Variants in PHF19 observed in about 807,000 individuals in gnomAD.
The protein encoded by PHF19 is polycomb like 3.
Under a neutral mutation model 79.8 loss-of-function variants are expected in PHF19, and 21 were observed. That is an observed-to-expected ratio of 0.26 (90% CI 0.19 to 0.38). The LOEUF is 0.38. Ranked by LOEUF, PHF19 falls within the 10% of genes least tolerant of loss-of-function variation. PHF19 has a pLI of 1.00. For synonymous variants in PHF19, 273 were observed against 296.3 expected, an observed-to-expected ratio of 0.92 and a Z score of 0.81; for missense variants, 445 against 744.2, an observed-to-expected ratio of 0.60 and a Z score of 4.68.
intron 3 of PHF19, among the ~76,000 whole-genome samples, chr9:120,872,689 C>CTT (rs199811441): frequency 5.7e-5 from 8 of 141,166 alleles, no homozygotes; most frequent in South Asian, 2.3e-4. Context: ...TTTTTCTTTT[C>CTT]TTTTTTTTTT....
Position 120,874,080 on chromosome 9 carries a change from G to C in PHF19, c.187-20C>G, listed in dbSNP as rs775525318. The C allele has an allele frequency of 3.5e-6, 5 of 1,432,568 alleles. No individual in the cohort carries two copies. The East Asian group carries it at 1.1e-4, about 33-fold the overall frequency. The allele number at this position is 1,432,568 out of a possible 1,614,324, so 88.7% of individuals were successfully genotyped here. On this transcript the variant is annotated intron_variant, in intron 2 of 14. Transcript: ENST00000373896. This position sits in a 1 kb window ranked among gnomAD's most constrained non-coding sequence, Gnocchi z 4.5. ...GCTGACCTGGGGTACAGATAGGAAGGAGCAAGTGAGAAAGGGCTGGGGAAA... is the reference window on the plus strand; with the variant it reads ...GCTGACCTGGGGTACAGATAGGAAGCAGCAAGTGAGAAAGGGCTGGGGAAA...
intron 1 of PHF19, among the ~76,000 whole-genome samples, chr9:120,883,847 G>A (rs1247656188): frequency 6.6e-6 from 1 of 151,982 alleles, no homozygotes; most frequent in Admixed American, 6.5e-5. Context: ...AGATAATTGT[G>A]GGAGGGTGTC....
chr9:120,861,036 G>T, intron 13 of PHF19, 53 bp downstream of exon 13: 1 of 1,026,126 alleles, frequency 9.7e-7, no homozygotes, highest in South Asian at 1.3e-5. Flanking sequence ...CTTTCTGCTT[G>T]GTTCCCTCCC....
At chr9:120,901,014 T>C in the PHF19 span, among the ~76,000 whole-genome samples, 2 of 152,244 alleles carry the variant, frequency 1.3e-5, no homozygotes, top group Non-Finnish European at 2.9e-5. Context: ...TGTATGGCAC[T>C]GACTGCTTGC....
At chr9:120,872,975 C>T (rs1371182548) in intron 3 of PHF19, among the ~76,000 whole-genome samples, 1 of 152,164 alleles carries the variant, frequency 6.6e-6, no homozygotes, top group African/African-American at 2.4e-5. Context: ...CTGAGCTAAG[C>T]ATTTTACATG....
At chr9:120,876,624 T>G (rs1217344564) in intron 1 of PHF19, among the ~76,000 whole-genome samples, 1 of 151,952 alleles carries the variant, frequency 6.6e-6, no homozygotes, top group Non-Finnish European at 1.5e-5. Context: ...GGATGATTCA[T>G]GCGCCGGGGC....
At chr9:120,876,956 G>A in intron 1 of PHF19, 135 bp downstream of exon 1, 1 of 956,510 alleles carries the variant, frequency 1.0e-6, no homozygotes, top group Non-Finnish European at 1.2e-6. Context: ...CCACCCCCGA[G>A]AGCCCCGCTC....
At chr9:120,879,922 C>T (rs769910700), upstream of PHF19, among the ~76,000 whole-genome samples, 36 of 151,350 alleles carry the variant, frequency 2.4e-4, no homozygotes, top group Middle Eastern at 3.4e-3. Context: ...TTATTGGCCA[C>T]GTGAGAGACG....
At chr9:120,897,621 C>G (rs141459448), upstream of PHF19, among the ~76,000 whole-genome samples, 1 of 152,250 alleles carries the variant, frequency 6.6e-6, no homozygotes, top group East Asian at 1.9e-4. Flanking sequence ...TTTTAATATA[C>G]TTTAACCTAT....
chr9:120,868,148 T>G (rs963046602), intron 6 of PHF19: 1 of 152,076 alleles, frequency 6.6e-6, no homozygotes, highest in Non-Finnish European at 1.5e-5. Flanking sequence ...CACAGCTCAC[T>G]GCAGCCTCCA....
At position 120,864,120 on chromosome 9, in the gene PHF19, T is replaced by C; in HGVS notation, c.901-4A>G. On this transcript the variant is annotated splice_polypyrimidine_tract_variant and splice_region_variant and intron_variant, in intron 9 of 14. Coordinates refer to ENST00000373896, the MANE Select transcript of PHF19 (RefSeq NM_015651.3). Reference sequence around the variant, plus strand: ...CTGTCACTGGGGTGCTGGTGAGCTGTGGGAGAGCAGGCCAGCAGGACATCA... The same window carrying C: ...CTGTCACTGGGGTGCTGGTGAGCTGCGGGAGAGCAGGCCAGCAGGACATCA... The C allele has an allele frequency of 6.2e-7, 1 of 1,613,448 alleles. No homozygotes were observed. Among genetic ancestry groups the C allele is most frequent in the Non-Finnish European group, 8.5e-7 (1 of 1,179,644 alleles).
At chr9:120,887,055 G>A (rs182849393) in intron 1 of PHF19, among the ~76,000 whole-genome samples, 2 of 137,040 alleles carry the variant, frequency 1.5e-5, no homozygotes, top group African/African-American at 5.7e-5. Flanking sequence ...GACAGAGCCA[G>A]ACTCTGTCTA....
At chr9:120,865,668 CCT>C (rs1441087019) in intron 9 of PHF19, 40 bp downstream of exon 9, 2 of 1,612,686 alleles carry the variant, frequency 1.2e-6, no homozygotes. Flanking sequence ...CCTGGGCAAA[CCT>C]CTCTGCCTCC....
chr9:120,899,471 G>A (rs1485281225), upstream of PHF19, among the ~76,000 whole-genome samples: 2 of 151,300 alleles, frequency 1.3e-5, no homozygotes, highest in Non-Finnish European at 2.9e-5. Flanking sequence ...ACTCCAGCCT[G>A]GGCGACAGAG....
chr9:120,860,304 G>C lies in PHF19; in HGVS notation c.1305-119C>G. On this transcript the variant is annotated intron_variant, in intron 13 of 14. Transcript: ENST00000373896. The surrounding 1 kb of genome is among the most constrained non-coding windows in gnomAD (Gnocchi z 4.1). ...CCCAGTGGAGGCCCGTCTTCCCACA[G>C]CTGAGCTTCCCACCACCACACCTGT... 1.5e-6 allele frequency: 1 copy of C among 653,848 alleles called. No individual in the cohort carries two copies. The highest frequency in any genetic ancestry group is 2.8e-6 in the Non-Finnish European group (1 of 355,014). The allele number at this position is 653,848 out of a possible 1,614,324, so 40.5% of individuals were successfully genotyped here. A position where few individuals can be genotyped will look rare whatever the true frequency, so the allele number is the denominator to read the frequency against.
intron 1 of PHF19, among the ~76,000 whole-genome samples, chr9:120,890,532 G>A (rs2046328415): frequency 6.6e-6 from 1 of 152,092 alleles, no homozygotes; most frequent in South Asian, 2.1e-4. Context: ...AGGAGGACTC[G>A]CTCCTAATTC....
upstream of PHF19, chr9:120,877,391 C>A: frequency 1.0e-6 from 1 of 978,726 alleles, no homozygotes; most frequent in Non-Finnish European, 1.2e-6. Flanking sequence ...GCCGGCCTCG[C>A]CATTGGAGCC....
Position 120,870,057 on chromosome 9 carries a change from T to TAGGA in PHF19, c.365-113_365-112insTCCT. 1 of 1,447,794 alleles carries TAGGA rather than the reference T, an allele frequency of 6.9e-7. No individual in the cohort carries two copies. Among genetic ancestry groups the TAGGA allele is most frequent in the Non-Finnish European group, 9.2e-7 (1 of 1,087,586 alleles). 89.7% of individuals were successfully genotyped at this position (1,447,794 alleles called of 1,614,324 possible). ...TGAGGGAAGTCCTAGGAGCTCTGCC[T>TAGGA]GCCAGCTGCCGGGAGCCTGGCTGCT... On this transcript the variant is annotated intron_variant, in intron 4 of 14. Coordinates refer to ENST00000373896, the MANE Select transcript of PHF19 (RefSeq NM_015651.3). This position sits in a 1 kb window ranked among gnomAD's most constrained non-coding sequence, Gnocchi z 4.4.
At chr9:120,893,919 T>C (rs530021838) in intron 1 of PHF19, among the ~76,000 whole-genome samples, 4 of 152,338 alleles carry the variant, frequency 2.6e-5, no homozygotes, top group South Asian at 4.1e-4. Context: ...GCTCCAGACC[T>C]GGAGCATCAG....
Sources: allele counts gnomAD v4.1 joint callset (sites outside exome capture counted in the v4.1 genomes callset), GRCh38; gene constraint gnomAD v4.1.1; non-coding constraint Gnocchi (gnomAD v3.1); transcripts MANE v1.5; gene names NCBI Gene and HGNC (gene_info 2026-07-23, HGNC 2026-07-21).